The following C8A variants were observed in gnomAD, a reference collection of about 807,000 sequenced individuals.
C8A encodes the protein complement component C8 alpha chain.
C8A carries 67 observed loss-of-function variants against 65.3 expected under a neutral mutation model. That is an observed-to-expected ratio of 1.03 (90% CI 0.84 to 1.26). The LOEUF is 1.26. Ranked by LOEUF, C8A falls within the 50% of genes most tolerant of loss-of-function variation. The pLI is 0.00. For synonymous variants in C8A, 290 were observed against 259.4 expected (o/e 1.12, Z -1.13); for missense variants, 781 against 723.9 (o/e 1.08, Z -0.90).
chr1:56,887,420 A>T (rs973403326), intron 7 of C8A, among the ~76,000 whole-genome samples: 2 of 152,106 alleles, frequency 1.3e-5, no homozygotes, highest in Non-Finnish European at 2.9e-5. Flanking sequence ...ATGGTATCTC[A>T]TTGTGGTTTT....
intron 7 of C8A, among the ~76,000 whole-genome samples, chr1:56,905,557 A>G (rs1644457710): frequency 6.6e-6 from 1 of 152,258 alleles, no homozygotes; most frequent in Non-Finnish European, 1.5e-5. Context: ...AGTCCTTGAC[A>G]TCACAGAGTT....
rs533208207 is a variant in C8A at position 56,861,040 on chromosome 1, C to A, written c.77+6062C>A. On this transcript the variant is annotated intron_variant, in intron 1 of 10. Transcript: ENST00000361249. Reference sequence around the variant, plus strand: ...TTATAAAGGAAAGGAGTCTATTTGGCTCATGGTTGTGCAAGTTGTACAAGA... The same window carrying A: ...TTATAAAGGAAAGGAGTCTATTTGGATCATGGTTGTGCAAGTTGTACAAGA... Among the ~76,000 whole-genome samples the A allele has an allele frequency of 1.5e-4, 23 of 152,308 alleles. 1 individual carries two copies. Among genetic ancestry groups the A allele is most frequent in the African/African-American group, 5.5e-4 (23 of 41,570 alleles).
chr1:56,908,134 A>G (rs1557715187), intron 9 of C8A, 21 bp downstream of exon 9: 2 of 1,612,348 alleles, frequency 1.2e-6, no homozygotes, highest in Non-Finnish European at 8.5e-7. Context: ...TCGCAGTTGA[A>G]GAAACTCTAC....
Position 56,857,303 on chromosome 1 carries a change from T to TACACACACAC in C8A, c.77+2343_77+2352dup, listed in dbSNP as rs71048450. On this transcript the variant is annotated intron_variant, in intron 1 of 10. Coordinates refer to ENST00000361249, the MANE Select transcript of C8A (RefSeq NM_000562.3). ...TGTATTTTAAAGCTCTGTTATTAAA[T>TACACACACAC]ACACACACACACACACACACACACA... is the stretch of plus-strand genomic sequence containing the variant. 3.4e-3 allele frequency among the ~76,000 whole-genome samples: 511 copies of TACACACACAC among 148,890 alleles called. 2 individuals are homozygous for TACACACACAC. Among genetic ancestry groups the TACACACACAC allele is most frequent in the South Asian group, 0.016 (73 of 4,652 alleles).
intron 7 of C8A, among the ~76,000 whole-genome samples, chr1:56,895,080 T>G (rs1041935510): frequency 2.6e-5 from 4 of 152,132 alleles, no homozygotes; most frequent in Non-Finnish European, 4.4e-5. Flanking sequence ...AAAGTTGAAA[T>G]CCAAAGAGGT....
chr1:56,877,840 T>C (rs958154094), intron 4 of C8A, among the ~76,000 whole-genome samples: 4 of 152,154 alleles, frequency 2.6e-5, no homozygotes, highest in Non-Finnish European at 4.4e-5. Flanking sequence ...TATGGTTAAT[T>C]GCTCTGAGAT....
chr1:56,906,497 T>G (rs188414475), intron 7 of C8A, among the ~76,000 whole-genome samples, 170 bp from the exon 8 acceptor site: 11 of 152,338 alleles, frequency 7.2e-5, no homozygotes, highest in Non-Finnish European at 1.3e-4. Flanking sequence ...TTATTTTGGT[T>G]GGAACCATGC....
At chr1:56,872,976 G>A (rs1244369383) in intron 2 of C8A, among the ~76,000 whole-genome samples, 1 of 152,142 alleles carries the variant, frequency 6.6e-6, no homozygotes, top group African/African-American at 2.4e-5. Flanking sequence ...TGAGGGGCAA[G>A]AGTGTGGGTG....
At chr1:56,894,417 T>C (rs976499977) in intron 7 of C8A, among the ~76,000 whole-genome samples, 3 of 152,294 alleles carry the variant, frequency 2.0e-5, no homozygotes, top group African/African-American at 7.2e-5. Context: ...TCTTTCAAAG[T>C]GTTAACAACT....
At chr1:56,864,381 A>G (rs1263166834) in intron 1 of C8A, among the ~76,000 whole-genome samples, 1 of 152,190 alleles carries the variant, frequency 6.6e-6, no homozygotes, top group Non-Finnish European at 1.5e-5. Flanking sequence ...AGGTAAATAA[A>G]GAGAAGAGGG....
chr1:56,884,611 C>A (rs866103454), intron 6 of C8A, among the ~76,000 whole-genome samples: 2 of 152,064 alleles, frequency 1.3e-5, no homozygotes, highest in South Asian at 4.2e-4. Flanking sequence ...TTATCTGTAG[C>A]GTGTTAATAT....
At chr1:56,867,456 C>A (rs1181465369) in intron 1 of C8A, among the ~76,000 whole-genome samples, 153 bp from the exon 2 acceptor site, 3 of 152,178 alleles carry the variant, frequency 2.0e-5, no homozygotes, top group Non-Finnish European at 2.9e-5. Flanking sequence ...TCTCTCATTT[C>A]TGTTGGCATT....
At chr1:56,872,261 G>C (rs1357221044) in intron 2 of C8A, among the ~76,000 whole-genome samples, 1 of 152,156 alleles carries the variant, frequency 6.6e-6, no homozygotes, top group East Asian at 1.9e-4. Context: ...AATCAAAATA[G>C]ATGTCATGTA....
chr1:56,860,747 A>G (rs1472332835), intron 1 of C8A, among the ~76,000 whole-genome samples: 1 of 152,232 alleles, frequency 6.6e-6, no homozygotes, highest in African/African-American at 2.4e-5. Context: ...AAATGTAGGA[A>G]CATTTGCACA....
chr1:56,867,325 C>T (rs1052545408), intron 1 of C8A, among the ~76,000 whole-genome samples: 2 of 152,142 alleles, frequency 1.3e-5, no homozygotes, highest in African/African-American at 4.8e-5. Context: ...GCTACTTTGG[C>T]TCTTCAAAAA....
intron 4 of C8A, among the ~76,000 whole-genome samples, chr1:56,878,589 T>C (rs1644221610): frequency 6.6e-6 from 1 of 152,210 alleles, no homozygotes; most frequent in Admixed American, 6.5e-5. Context: ...TCTATTTATC[T>C]CAGATCTCAA....
At chr1:56,874,168 T>C (rs1208539729) in intron 2 of C8A, among the ~76,000 whole-genome samples, 1 of 152,184 alleles carries the variant, frequency 6.6e-6, no homozygotes, top group Non-Finnish European at 1.5e-5. Flanking sequence ...AGAAAGAATC[T>C]GTCTCTTTGT....
At chr1:56,897,434 A>G (rs1394849804) in intron 7 of C8A, among the ~76,000 whole-genome samples, 2 of 152,194 alleles carry the variant, frequency 1.3e-5, no homozygotes, top group Admixed American at 1.3e-4. Context: ...TGCTACCTAG[A>G]CTGCTGAGTT....
chr1:56,872,272 A>G (rs1235235840), intron 2 of C8A, among the ~76,000 whole-genome samples: 1 of 152,210 alleles, frequency 6.6e-6, no homozygotes, highest in Non-Finnish European at 1.5e-5. Flanking sequence ...ATGTCATGTA[A>G]TGGCAAACAG....
Sources: gnomAD v4.1 joint callset for allele counts (sites outside exome capture counted in the v4.1 genomes callset) on GRCh38, gnomAD v4.1.1 for gene constraint, MANE v1.5 for transcripts, NCBI Gene and HGNC (gene_info 2026-07-23, HGNC 2026-07-21) for gene names.